Variants in KIAA1671 observed in about 807,000 individuals in gnomAD.
KIAA1671 encodes the protein uncharacterized protein KIAA1671.
In KIAA1671, 52 loss-of-function variants were observed where a neutral mutation model predicts 131.2. The ratio of observed to expected loss-of-function variants is 0.40; its 90% confidence interval spans 0.32 to 0.50. KIAA1671 has a LOEUF of 0.50. KIAA1671 is among the 20% of genes least tolerant of loss of function. KIAA1671 has a pLI of 0.73. For synonymous variants in KIAA1671, 1,003 were observed against 961.6 expected (o/e 1.04, Z -0.80); for missense variants, 2,360 against 2,364.2 (o/e 1.00, Z 0.04).
chr22:25,154,347 A>G (rs1025756118), intron 6 of KIAA1671, among the ~76,000 whole-genome samples: 1 of 152,220 alleles, frequency 6.6e-6, no homozygotes, highest in Non-Finnish European at 1.5e-5. Context: ...CCTAACACCC[A>G]TATGATGCGC....
intron 6 of KIAA1671, among the ~76,000 whole-genome samples, chr22:25,168,600 A>G (rs1762564433): frequency 6.6e-6 from 1 of 152,050 alleles, no homozygotes; most frequent in South Asian, 2.1e-4. Flanking sequence ...GGCTGAGGCA[A>G]GAAAATCACT....
At chr22:25,098,283 A>ATCCCC (rs1291396530) in intron 6 of KIAA1671, among the ~76,000 whole-genome samples, 6 of 152,100 alleles carry the variant, frequency 3.9e-5, no homozygotes, top group African/African-American at 1.4e-4. Context: ...TAGTTCTTCC[A>ATCCCC]TCCCCTCCCC....
chr22:25,096,532 T>C (rs1930398094), intron 6 of KIAA1671, among the ~76,000 whole-genome samples: 1 of 152,214 alleles, frequency 6.6e-6, no homozygotes. Context: ...GTTTCCCATT[T>C]GTCTAAGACA....
At chr22:25,177,213 T>G in intron 8 of KIAA1671, 135 bp from the exon 9 acceptor site, 1 of 790,554 alleles carries the variant, frequency 1.3e-6, no homozygotes, top group Non-Finnish European at 2.0e-6. Flanking sequence ...TATTAAAATG[T>G]GGAAGCCCTG....
At chr22:25,019,036 C>T (rs1347074452) in intron 1 of KIAA1671, among the ~76,000 whole-genome samples, 2 of 148,168 alleles carry the variant, frequency 1.3e-5, no homozygotes, top group Non-Finnish European at 3.0e-5. Flanking sequence ...TTCACATCCT[C>T]TCCAATAGTT....
intron 6 of KIAA1671, among the ~76,000 whole-genome samples, chr22:25,080,095 C>A (rs67662439): frequency 0.13 from 19,894 of 152,112 alleles, 1,307 homozygotes; most frequent in Non-Finnish European, 0.15. Context: ...AAAGATGGAG[C>A]TGTCATCAGC....
chr22:24,952,993 A>G lies in KIAA1671; in HGVS notation c.-208+221A>G, dbSNP rs1162859159. ...CAGGGAGGGAGGATCCCGGTTTGGG[A>G]GCCGGGGAATCCGTCTCCCGAGACT... On this transcript the variant is annotated intron_variant, in intron 1 of 12. Transcript: ENST00000358431. The surrounding 1 kb of genome is among the most constrained non-coding windows in gnomAD (Gnocchi z 4.5). Among the ~76,000 whole-genome samples, 1 of 151,966 alleles carries G rather than the reference A, an allele frequency of 6.6e-6. No individual in the cohort carries two copies. Among genetic ancestry groups the G allele is most frequent in the East Asian group, 1.9e-4 (1 of 5,140 alleles).
chr22:25,020,978 G>C (rs1055721721), intron 1 of KIAA1671, among the ~76,000 whole-genome samples: 1 of 152,162 alleles, frequency 6.6e-6, no homozygotes, highest in African/African-American at 2.4e-5. Flanking sequence ...ACATCCTGGC[G>C]CTTGCACGTT....
At chr22:25,050,087 T>G (rs1358473188) in intron 6 of KIAA1671, 1 of 152,226 alleles carries the variant, frequency 6.6e-6, no homozygotes, top group Non-Finnish European at 1.5e-5. Context: ...GTCACATAAT[T>G]ATTACTCTTG....
At chr22:25,048,324 G>T (rs1425562675) in intron 5 of KIAA1671, among the ~76,000 whole-genome samples, 1 of 151,784 alleles carries the variant, frequency 6.6e-6, no homozygotes, top group Non-Finnish European at 1.5e-5. Context: ...AAGCCATGGG[G>T]GGCGTGAAGA....
rs117116327 is a variant in KIAA1671 at position 24,977,779 on chromosome 22, T to C, written c.-208+25007T>C. The stretch of plus-strand genomic sequence containing the variant: ...CTGGGCTCTGGGCAGGGACATTTTA[T>C]TTATTGCTGAGTTGGCCTCTGTCCT... On this transcript the variant is annotated intron_variant, in intron 1 of 12. Transcript: ENST00000358431. Among the ~76,000 whole-genome samples the C allele has an allele frequency of 8.1e-3, 1,239 of 152,304 alleles. 19 individuals are homozygous for C. The highest frequency in any genetic ancestry group is 0.027 in the Middle Eastern group (8 of 294).
chr22:25,038,193 G>A (rs1013359942), intron 4 of KIAA1671, among the ~76,000 whole-genome samples: 6 of 151,896 alleles, frequency 4.0e-5, no homozygotes, highest in African/African-American at 1.5e-4. Context: ...GTGTAGACAA[G>A]GTCTCACTAT....
At position 25,104,848 on chromosome 22, in the gene KIAA1671, G is replaced by A. The variant is rs186766443; in HGVS notation, c.4530+55484G>A. ...GAAAATGGGATAGCCTCAGATTTGA[G>A]TTGGCCTTCCACCCTTAATGGCTAA... is the stretch of plus-strand genomic sequence containing the variant. On this transcript the variant is annotated intron_variant, in intron 6 of 12. Transcript: ENST00000358431. Among the ~76,000 whole-genome samples, 197 of 152,106 alleles carry A rather than the reference G, an allele frequency of 1.3e-3. 2 individuals carry two copies. Among genetic ancestry groups the A allele is most frequent in the Middle Eastern group, 6.8e-3 (2 of 294 alleles).
chr22:25,037,382 G>A (rs1233875955), intron 4 of KIAA1671, among the ~76,000 whole-genome samples: 1 of 136,580 alleles, frequency 7.3e-6, no homozygotes, highest in East Asian at 1.9e-4. Context: ...ATGTATATAT[G>A]TGTATATATG....
At chr22:25,153,649 A>C (rs1308328532) in intron 6 of KIAA1671, among the ~76,000 whole-genome samples, 2 of 152,168 alleles carry the variant, frequency 1.3e-5, no homozygotes, top group Non-Finnish European at 2.9e-5. Context: ...TGGCATAGTC[A>C]AATGCATTGC....
intron 5 of KIAA1671, among the ~76,000 whole-genome samples, chr22:25,044,355 A>G (rs1298936349): frequency 1.3e-5 from 2 of 152,172 alleles, no homozygotes; most frequent in Admixed American, 1.3e-4. Flanking sequence ...ATGTTGTGGT[A>G]ACAGTGGAAG....
intron 6 of KIAA1671, among the ~76,000 whole-genome samples, chr22:25,165,946 C>T (rs1421116866): frequency 2.0e-5 from 3 of 152,082 alleles, no homozygotes; most frequent in Non-Finnish European, 4.4e-5. Context: ...GCCCACCAGG[C>T]CCCGCACCCA....
chr22:25,085,782 G>A (rs1929679925), intron 6 of KIAA1671, among the ~76,000 whole-genome samples: 1 of 141,702 alleles, frequency 7.1e-6, no homozygotes, highest in Non-Finnish European at 1.5e-5. Context: ...AGGAAGGGAG[G>A]AAGGGAGGGA....
intron 6 of KIAA1671, among the ~76,000 whole-genome samples, chr22:25,117,896 T>G (rs548357485): frequency 3.9e-5 from 6 of 152,092 alleles, no homozygotes; most frequent in African/African-American, 1.4e-4. Context: ...CCCAGCACTT[T>G]GGGAGGCCGA....
Sources: allele counts gnomAD v4.1 joint callset (sites outside exome capture counted in the v4.1 genomes callset), GRCh38; gene constraint gnomAD v4.1.1; non-coding constraint Gnocchi (gnomAD v3.1); transcripts MANE v1.5; gene names NCBI Gene and HGNC (gene_info 2026-07-23, HGNC 2026-07-21).